The following ZBTB16 variants were observed in gnomAD, a reference collection of about 807,000 sequenced individuals.
ZBTB16 encodes zinc finger and BTB domain-containing protein 16.
A neutral mutation model predicts 56.8 loss-of-function variants in ZBTB16; 8 were observed. The observed-to-expected ratio is 0.14, with a 90% confidence interval of 0.08 to 0.25. The LOEUF is 0.25. Among genes scored for constraint, ZBTB16 ranks in the 10% least tolerant of loss-of-function variants. The pLI is 1.00. For missense variants in ZBTB16, 625 were observed against 903.0 expected (o/e 0.69, Z 3.95); for synonymous variants, 363 against 368.5 (o/e 0.98, Z 0.17).
chr11:114,180,370 A>G (rs1261621039), intron 3 of ZBTB16, among the ~76,000 whole-genome samples: 1 of 152,188 alleles, frequency 6.6e-6, no homozygotes, highest in East Asian at 1.9e-4. Context: ...TGCCTGGGGT[A>G]GGGAGTAGTC....
intron 2 of ZBTB16, among the ~76,000 whole-genome samples, chr11:114,130,629 G>C (rs1941635320): frequency 6.6e-6 from 1 of 152,196 alleles, no homozygotes; most frequent in Non-Finnish European, 1.5e-5. Flanking sequence ...AGCGAGCTCT[G>C]GACAACCAAA....
chr11:114,167,218 T>TG, intron 3 of ZBTB16, among the ~76,000 whole-genome samples: 2 of 62,652 alleles, frequency 3.2e-5, no homozygotes, highest in African/African-American at 1.5e-4. Context: ...GATTTGTGGT[T>TG]TTTTTTTTTT....
chr11:114,204,218 A>C (rs1392637889), intron 4 of ZBTB16, among the ~76,000 whole-genome samples: 2 of 150,034 alleles, frequency 1.3e-5, no homozygotes, highest in East Asian at 3.9e-4. Context: ...CCATGGCACG[A>C]TCTCGGCTCA....
At chr11:114,211,064 G>A (rs1230174233) in intron 4 of ZBTB16, 3 of 163,572 alleles carry the variant, frequency 1.8e-5, no homozygotes, top group Non-Finnish European at 4.0e-5. Flanking sequence ...ATTATTACAG[G>A]TGTGCACCAC....
chr11:114,162,568 T>C (rs1487940843), intron 3 of ZBTB16, among the ~76,000 whole-genome samples: 2 of 152,196 alleles, frequency 1.3e-5, no homozygotes, highest in Non-Finnish European at 2.9e-5. Context: ...TGAGAGCCCA[T>C]GGCCAATCCA....
intron 4 of ZBTB16, chr11:114,189,839 A>G (rs1469265710): frequency 6.6e-6 from 1 of 152,192 alleles, no homozygotes; most frequent in African/African-American, 2.4e-5. Context: ...TACAGCCAAG[A>G]GAAGTGAGAA....
chr11:114,097,433 A>G (rs1163258094), intron 2 of ZBTB16, among the ~76,000 whole-genome samples: 1 of 152,190 alleles, frequency 6.6e-6, no homozygotes, highest in African/African-American at 2.4e-5. Flanking sequence ...TGATCTGTAC[A>G]CTTAGAATCT....
At chr11:114,192,249 A>T (rs1943513301) in intron 4 of ZBTB16, among the ~76,000 whole-genome samples, 1 of 152,158 alleles carries the variant, frequency 6.6e-6, no homozygotes, top group African/African-American at 2.4e-5. Context: ...GGTTTCCAGG[A>T]GTCAGGACAC....
At chr11:114,080,553 A>G (rs755240889) in intron 2 of ZBTB16, among the ~76,000 whole-genome samples, 4 of 152,216 alleles carry the variant, frequency 2.6e-5, no homozygotes, top group Non-Finnish European at 5.9e-5. Context: ...TGACATAAAT[A>G]AAAGCAAAAT....
chr11:114,208,619 C>T (rs1943935582), intron 4 of ZBTB16, among the ~76,000 whole-genome samples: 1 of 152,128 alleles, frequency 6.6e-6, no homozygotes, highest in African/African-American at 2.4e-5. Context: ...GCCAATGCAC[C>T]CCAGTCTGTG....
At chr11:114,134,415 G>T (rs1258988782) in intron 2 of ZBTB16, among the ~76,000 whole-genome samples, 2 of 152,086 alleles carry the variant, frequency 1.3e-5, no homozygotes, top group South Asian at 2.1e-4. Flanking sequence ...AGAAGGCAAG[G>T]TGGGGAATAG....
At chr11:114,091,304 C>T (rs577230508) in intron 2 of ZBTB16, among the ~76,000 whole-genome samples, 23 of 152,288 alleles carry the variant, frequency 1.5e-4, no homozygotes, top group Non-Finnish European at 3.1e-4. Context: ...GGCGAGATTG[C>T]ACCACTGCAC....
chr11:114,124,159 T>TTAGCAGTCA, intron 2 of ZBTB16, among the ~76,000 whole-genome samples: 1 of 152,152 alleles, frequency 6.6e-6, no homozygotes, highest in Non-Finnish European at 1.5e-5. Flanking sequence ...TTTGCTCAAT[T>TTAGCAGTCA]TAGCAGTCAC....
rs376800111 is a variant in ZBTB16, at chr11:114,218,889, T to C, written c.1454-23278T>C. On this transcript the variant is annotated intron_variant, in intron 4 of 6. Coordinates refer to ENST00000335953, the MANE Select transcript of ZBTB16 (RefSeq NM_006006.6). ...CGGTGCTTTTATATTCTGCAAAACA[T>C]GAAATGAGTGAGTTTGTTGCCTGTT... Among the ~76,000 whole-genome samples, 16 of 152,326 alleles carry C rather than the reference T, an allele frequency of 1.1e-4. No homozygotes were observed. In the East Asian group the frequency reaches 1.7e-3, roughly 17 times the overall value.
chr11:114,148,437 T>C (rs12799422), intron 2 of ZBTB16, among the ~76,000 whole-genome samples: 25,743 of 53,492 alleles, frequency 0.48, 8,218 homozygotes, highest in African/African-American at 0.67. Context: ...CTCTCTCTCT[T>C]TCTCTCTCTC....
chr11:114,120,294 A>T (rs1411051143), intron 2 of ZBTB16, among the ~76,000 whole-genome samples: 1 of 152,096 alleles, frequency 6.6e-6, no homozygotes. Flanking sequence ...ACACATCCTG[A>T]TGTTATGGGA....
intron 2 of ZBTB16, among the ~76,000 whole-genome samples, chr11:114,069,073 G>T (rs1044877030): frequency 2.0e-5 from 3 of 152,044 alleles, no homozygotes; most frequent in African/African-American, 7.3e-5. Flanking sequence ...AGACACCGTC[G>T]CAACTCTTGC....
At position 114,148,863 on chromosome 11, in the gene ZBTB16, G is replaced by GGTGTGTGTGTGTGTGTGT. The variant is rs35071911; in HGVS notation, c.1269-7453_1269-7436dup. On this transcript the variant is annotated intron_variant, in intron 2 of 6. Transcript: ENST00000335953. The stretch of plus-strand genomic sequence containing the variant: ...ACAGTAGGGGCAACTGTTTTTTACT[G>GGTGTGTGTGTGTGTGTGT]GTGTGTGTGTGTGTGTGTGTGTGTG... Among the ~76,000 whole-genome samples the GGTGTGTGTGTGTGTGTGT allele has an allele frequency of 3.9e-3, 562 of 144,032 alleles. 3 individuals carry two copies. Among genetic ancestry groups the GGTGTGTGTGTGTGTGTGT allele is most frequent in the African/African-American group, 0.013 (515 of 38,284 alleles). 94.5% of individuals were successfully genotyped at this position (144,032 alleles called of 152,430 possible).
intron 3 of ZBTB16, among the ~76,000 whole-genome samples, chr11:114,174,241 GT>G (rs1263412122): frequency 2.0e-5 from 3 of 151,882 alleles, no homozygotes; most frequent in Non-Finnish European, 4.4e-5. Flanking sequence ...GGAGGTGAGA[GT>G]TTTTCTTAAT....
Sources: allele counts gnomAD v4.1 joint callset (sites outside exome capture counted in the v4.1 genomes callset), GRCh38; gene constraint gnomAD v4.1.1; transcripts MANE v1.5; gene names NCBI Gene and HGNC (gene_info 2026-07-23, HGNC 2026-07-21).